The following XRN2 variants were observed in gnomAD, a reference collection of about 807,000 sequenced individuals.
The protein encoded by XRN2 is 5'-3' exoribonuclease 2.
Under a neutral mutation model 138.5 loss-of-function variants are expected in XRN2, and 44 were observed. That is an observed-to-expected ratio of 0.32 (90% confidence interval 0.25 to 0.41). The LOEUF is 0.41. Among genes scored for constraint, XRN2 ranks in the 10% least tolerant of loss-of-function variants. XRN2 has a pLI of 1.00. For missense variants in XRN2, 937 were observed against 1,169.3 expected (o/e 0.80, Z 2.90); for synonymous variants, 354 against 369.4 (o/e 0.96, Z 0.48).
intron 15 of XRN2, among the ~76,000 whole-genome samples, chr20:21,341,828 T>C (rs1339071141): frequency 1.3e-5 from 2 of 152,162 alleles, no homozygotes; most frequent in African/African-American, 2.4e-5. Context: ...GGTGGTGTTA[T>C]ATGCCCTGTT....
intron 20 of XRN2, among the ~76,000 whole-genome samples, chr20:21,350,353 C>T (rs202851): frequency 0.14 from 20,765 of 151,582 alleles, 1,763 homozygotes; most frequent in Non-Finnish European, 0.19. Context: ...AGTGAAACAC[C>T]GTCTCTACTA....
At position 21,303,457 on chromosome 20, in the gene XRN2, A is replaced by G; in HGVS notation, c.59A>G (p.Asn20Ser). The G allele has an allele frequency of 6.5e-7, 1 of 1,546,378 alleles. No individual in the cohort carries two copies. The highest frequency in any genetic ancestry group is 8.7e-7 in the Non-Finnish European group (1 of 1,145,444). ...LSRKYPSIIVNCVEEKPKECN... is the reference protein window; with the variant it reads ...LSRKYPSIIVSCVEEKPKECN... ...CGCAAGTACCCGTCCATCATAGTCA[A>G]CTGCGTGGAAGAGAAGGTGAGGAGG... Residue 20 changes from asparagine (N) to serine (S), a missense_variant, in exon 1 of 30, where the codon AAC becomes AGC. Asn to Ser is a conservative substitution (Grantham distance 46). Transcript: ENST00000377191.
chr20:21,333,083 G>T (rs1405646285), intron 9 of XRN2, among the ~76,000 whole-genome samples: 1 of 152,110 alleles, frequency 6.6e-6, no homozygotes, highest in Non-Finnish European at 1.5e-5. Context: ...GATAAATATA[G>T]TGTATTATTT....
At chr20:21,372,648 G>A (rs930418310) in intron 27 of XRN2, among the ~76,000 whole-genome samples, 8 of 152,020 alleles carry the variant, frequency 5.3e-5, no homozygotes, top group Non-Finnish European at 1.0e-4. Context: ...ATTATTGTAC[G>A]TGTATTTTTA....
chr20:21,372,793 C>T (rs539960474), intron 27 of XRN2, among the ~76,000 whole-genome samples: 3 of 151,838 alleles, frequency 2.0e-5, no homozygotes, highest in Non-Finnish European at 4.4e-5. Flanking sequence ...CAGAAGCCCC[C>T]CATTGTGTCC....
intron 24 of XRN2, among the ~76,000 whole-genome samples, chr20:21,363,276 A>G (rs1466244920): frequency 1.3e-5 from 2 of 151,976 alleles, no homozygotes; most frequent in African/African-American, 4.8e-5. Flanking sequence ...CGGTGTGCAT[A>G]ACCTCCCTCC....
chr20:21,340,645 T>C (rs974607292), intron 14 of XRN2, 76 bp from the exon 15 acceptor site: 6 of 1,531,510 alleles, frequency 3.9e-6, no homozygotes, highest in African/African-American at 1.4e-5. Flanking sequence ...TTTATTCCAT[T>C]GCCCTTCTTT....
intron 27 of XRN2, among the ~76,000 whole-genome samples, chr20:21,379,384 A>G (rs1051845692): frequency 6.6e-6 from 1 of 152,194 alleles, no homozygotes; most frequent in Non-Finnish European, 1.5e-5. Context: ...CAGGTTATAT[A>G]TGTTACTAAG....
intron 27 of XRN2, among the ~76,000 whole-genome samples, chr20:21,374,729 A>G (rs1342692662): frequency 1.3e-5 from 2 of 152,136 alleles, no homozygotes; most frequent in African/African-American, 4.8e-5. Flanking sequence ...TTTAAAATCT[A>G]TGTATTATGA....
At chr20:21,379,206 C>A (rs892358712) in intron 27 of XRN2, among the ~76,000 whole-genome samples, 3 of 152,144 alleles carry the variant, frequency 2.0e-5, no homozygotes. Flanking sequence ...AAAAAATTTT[C>A]CACTCTCGCC....
rs1204866706 is a variant in XRN2, at chr20:21,349,560, T to C, written c.1936+99T>C. 1.1e-5 allele frequency: 11 copies of C among 1,008,842 alleles called. No homozygotes were observed. The Admixed American group carries it at 1.9e-4, about 18-fold the overall frequency. The allele number at this position is 1,008,842 out of a possible 1,614,324, so 62.5% of individuals were successfully genotyped here. Reference sequence around the variant, plus strand: ...GATAAATATTTTAGCCTGGGCAACATGGTGAAATCTCATTTCTACAAAAAA... The same window carrying C: ...GATAAATATTTTAGCCTGGGCAACACGGTGAAATCTCATTTCTACAAAAAA... On this transcript the variant is annotated intron_variant, in intron 20 of 29. Transcript: ENST00000377191.
intron 9 of XRN2, 46 bp downstream of exon 9, chr20:21,332,486 ATTGTGG>A: frequency 2.0e-6 from 3 of 1,477,980 alleles, no homozygotes; most frequent in Non-Finnish European, 2.7e-6. Flanking sequence ...AAAAAAATCT[ATTGTGG>A]TAAAATGTAT....
chr20:21,336,467 G>GA (rs1029518187), intron 13 of XRN2, among the ~76,000 whole-genome samples: 3 of 151,436 alleles, frequency 2.0e-5, no homozygotes, highest in African/African-American at 4.8e-5. Flanking sequence ...TGTCTCCAAA[G>GA]AAAAAAAAAT....
chr20:21,389,419 A>G lies in XRN2; in HGVS notation c.*81A>G. The G allele has an allele frequency of 7.5e-7, 1 of 1,335,934 alleles. No individual in the cohort carries two copies. Among genetic ancestry groups the G allele is most frequent in the Non-Finnish European group, 1.0e-6 (1 of 964,446 alleles). The allele number at this position is 1,335,934 out of a possible 1,614,324, so 82.8% of individuals were successfully genotyped here. A position where few individuals can be genotyped will look rare whatever the true frequency, so the allele number is the denominator to read the frequency against. ...TGGAAAGATTTCTTTCTCAAGTAGT[A>G]GTTTTTAATAAAACTACAGTACTTT... On this transcript the variant is annotated 3_prime_UTR_variant, in exon 30 of 30. Coordinates refer to ENST00000377191, the MANE Select transcript of XRN2 (RefSeq NM_012255.5).
At chr20:21,333,651 T>C in intron 10 of XRN2, 33 bp downstream of exon 10, 1 of 1,614,052 alleles carries the variant, frequency 6.2e-7, no homozygotes, top group Non-Finnish European at 8.5e-7. Context: ...ATCAGCACTC[T>C]AAAGCAGGGT....
chr20:21,366,113 ATTATAT>A (rs1317526091), intron 26 of XRN2, among the ~76,000 whole-genome samples: 1 of 106,510 alleles, frequency 9.4e-6, no homozygotes, highest in African/African-American at 3.4e-5. Flanking sequence ...ATAAATATAT[ATTATAT>A]TTATAGTTTA....
At chr20:21,346,338 T>C in intron 16 of XRN2, 77 bp from the exon 17 acceptor site, 4 of 1,548,892 alleles carry the variant, frequency 2.6e-6, no homozygotes, top group Non-Finnish European at 3.5e-6. Flanking sequence ...TATAAATTGA[T>C]TTGGGGTATA....
chr20:21,361,684 A>G (rs2038638498), intron 24 of XRN2, among the ~76,000 whole-genome samples: 1 of 152,192 alleles, frequency 6.6e-6, no homozygotes. Context: ...AATGACATAG[A>G]CATGAAAAAA....
rs942114362 is a variant in XRN2, at chr20:21,354,735, G to A, written c.1937-54G>A. 7.2e-6 allele frequency: 11 copies of A among 1,530,350 alleles called. No individual in the cohort carries two copies. The Admixed American group carries it at 8.5e-5, about 12-fold the overall frequency. The allele number at this position is 1,530,350 out of a possible 1,614,324, so 94.8% of individuals were successfully genotyped here. ...CGTTCATTTCGAGCAATGATAAGTT[G>A]GAATTTGGGTGATCCTGGTAGCAGG... On this transcript the variant is annotated intron_variant, in intron 20 of 29. Coordinates refer to ENST00000377191, the MANE Select transcript of XRN2 (RefSeq NM_012255.5).
Sources: allele counts gnomAD v4.1 joint callset (sites outside exome capture counted in the v4.1 genomes callset), GRCh38; gene constraint gnomAD v4.1.1; transcripts MANE v1.5; gene names NCBI Gene and HGNC (gene_info 2026-07-23, HGNC 2026-07-21).